C12orf42: variants seen among roughly 807,000 people sequenced by gnomAD.
C12orf42 encodes the protein chromosome 12 open reading frame 42, also known as uncharacterized protein C12orf42.
A neutral mutation model predicts 21.6 loss-of-function variants in C12orf42; 25 were observed. The ratio of observed to expected loss-of-function variants is 1.16; its 90% CI spans 0.84 to 1.62. C12orf42 has a LOEUF of 1.62. Among genes scored for constraint, C12orf42 ranks in the 40% most tolerant of loss-of-function variants. C12orf42 has a pLI of 0.00. For missense variants in C12orf42, 483 were observed against 459.3 expected (o/e 1.05, Z -0.47); for synonymous variants, 174 against 175.0 (o/e 0.99, Z 0.05).
intron 2 of C12orf42, chr12:103,478,129 G>A (rs916233307): frequency 1.1e-5 from 5 of 438,732 alleles, no homozygotes; most frequent in African/African-American, 1.0e-4. Flanking sequence ...TAGCATAAAT[G>A]TAATGTGTCC....
the C12orf42 span, among the ~76,000 whole-genome samples, chr12:103,541,786 C>T: frequency 7.2e-5 from 11 of 151,854 alleles, no homozygotes; most frequent in African/African-American, 2.7e-4. Flanking sequence ...ATTATGGCCC[C>T]TAATTGTACA....
intron 2 of C12orf42, among the ~76,000 whole-genome samples, chr12:103,433,838 A>C (rs1950447772): frequency 1.3e-5 from 2 of 152,334 alleles, no homozygotes; most frequent in South Asian, 4.1e-4. Context: ...TGAATGACTT[A>C]ATTTTGCTTG....
the C12orf42 span, among the ~76,000 whole-genome samples, chr12:103,219,761 A>G: frequency 6.6e-6 from 1 of 152,172 alleles, no homozygotes; most frequent in Non-Finnish European, 1.5e-5. Flanking sequence ...TCAGGAAAAA[A>G]CAGATGCTGG....
the C12orf42 span, among the ~76,000 whole-genome samples, chr12:103,506,810 A>G: frequency 9.7e-6 from 1 of 103,210 alleles, no homozygotes; most frequent in African/African-American, 4.0e-5. Flanking sequence ...TGTATCAAAT[A>G]CATGTTTATA....
chr12:103,300,694 T>C (rs2037590911), downstream of C12orf42, among the ~76,000 whole-genome samples: 1 of 152,156 alleles, frequency 6.6e-6, no homozygotes, highest in Non-Finnish European at 1.5e-5. Context: ...AATAGCAAAT[T>C]AAAATATCCC....
chr12:103,430,646 A>G (rs1288776440), intron 2 of C12orf42, among the ~76,000 whole-genome samples: 1 of 152,236 alleles, frequency 6.6e-6, no homozygotes, highest in Non-Finnish European at 1.5e-5. Flanking sequence ...TCGTTCTACT[A>G]TAAAGACACA....
intron 10 of C12orf42, among the ~76,000 whole-genome samples, chr12:103,258,326 A>T (rs1220383198): frequency 6.6e-6 from 1 of 152,112 alleles, no homozygotes; most frequent in African/African-American, 2.4e-5. Flanking sequence ...GCCCTAAAAA[A>T]GTGATCAGAA....
At position 103,448,776 on chromosome 12, in the gene C12orf42, T is replaced by TA. The variant is rs921126393; in HGVS notation, c.78+29572dup. ...GCATGAATGGCCATAATGAAAAAAT[T>TA]AAAAAAAAAATAGATGTTGGTGTGG... On this transcript the variant is annotated intron_variant, in intron 2 of 5. Transcript: ENST00000548883. Among the ~76,000 whole-genome samples, 103 of 148,380 alleles carry TA rather than the reference T, an allele frequency of 6.9e-4. 1 individual carries two copies. The highest frequency in any genetic ancestry group is 5.3e-3 in the South Asian group (25 of 4,676).
At chr12:103,162,268 C>T in the C12orf42 span, among the ~76,000 whole-genome samples, 38 of 152,194 alleles carry the variant, frequency 2.5e-4, 2 homozygotes, top group South Asian at 5.2e-3. Flanking sequence ...AGCAAGCCTG[C>T]GGGGGCCTCT....
upstream of C12orf42, among the ~76,000 whole-genome samples, chr12:103,499,201 A>C (rs1955655202): frequency 1.3e-5 from 2 of 152,154 alleles, no homozygotes; most frequent in Non-Finnish European, 2.9e-5. Flanking sequence ...CATAATGGTG[A>C]CTAAAATTAA....
chr12:103,419,250 A>C (rs2049645316), intron 2 of C12orf42, among the ~76,000 whole-genome samples: 1 of 152,184 alleles, frequency 6.6e-6, no homozygotes, highest in Non-Finnish European at 1.5e-5. Context: ...CCTTAAAAAA[A>C]TTGTAAAGGA....
At chr12:103,313,188 C>T (rs1433192901) in intron 4 of C12orf42, among the ~76,000 whole-genome samples, 2 of 152,156 alleles carry the variant, frequency 1.3e-5, no homozygotes, top group Non-Finnish European at 2.9e-5. Flanking sequence ...CAAATGAGAG[C>T]CTGAAGCTAA....
chr12:103,402,066 T>C (rs1261980469), intron 2 of C12orf42, among the ~76,000 whole-genome samples: 2 of 152,210 alleles, frequency 1.3e-5, no homozygotes, highest in East Asian at 3.8e-4. Context: ...TCCCATAGCC[T>C]GAAGCCCATC....
At chr12:103,284,587 T>A (rs920487542) in intron 4 of C12orf42, among the ~76,000 whole-genome samples, 1 of 152,186 alleles carries the variant, frequency 6.6e-6, no homozygotes, top group African/African-American at 2.4e-5. Flanking sequence ...TTACCCAAGG[T>A]TATTAAAAGA....
At chr12:103,198,695 C>T in the C12orf42 span, among the ~76,000 whole-genome samples, 1 of 152,326 alleles carries the variant, frequency 6.6e-6, no homozygotes, top group East Asian at 1.9e-4. Flanking sequence ...CAAGAGTGTG[C>T]TACTCCACAC....
intron 2 of C12orf42, among the ~76,000 whole-genome samples, chr12:103,440,224 C>A (rs1951093589): frequency 7.3e-6 from 1 of 136,310 alleles, no homozygotes; most frequent in Non-Finnish European, 1.5e-5. Context: ...CACATGGACA[C>A]AGGAAGAGGA....
chr12:103,442,439 G>A (rs1383420784), intron 2 of C12orf42, among the ~76,000 whole-genome samples: 1 of 152,114 alleles, frequency 6.6e-6, no homozygotes, highest in Non-Finnish European at 1.5e-5. Context: ...TAAGATCTTC[G>A]CAGGCTGAAG....
intron 10 of C12orf42, among the ~76,000 whole-genome samples, chr12:103,255,745 A>G (rs1267206603): frequency 6.6e-6 from 1 of 151,818 alleles, no homozygotes; most frequent in Non-Finnish European, 1.5e-5. Context: ...ATATGTCATT[A>G]TTATATCTAT....
chr12:103,500,006 A>G (rs951070487), upstream of C12orf42, among the ~76,000 whole-genome samples: 9 of 152,388 alleles, frequency 5.9e-5, no homozygotes, highest in Admixed American at 2.0e-4. Flanking sequence ...GTCTTCCTGC[A>G]TCAGAGAAAA....
Sources: gnomAD v4.1 joint callset for allele counts (sites outside exome capture counted in the v4.1 genomes callset) on GRCh38, gnomAD v4.1.1 for gene constraint, MANE v1.5 for transcripts, NCBI Gene and HGNC (gene_info 2026-07-23, HGNC 2026-07-21) for gene names.